The following PLD1 variants were observed in gnomAD, a reference collection of about 807,000 sequenced individuals.
PLD1 encodes the protein choline phosphatase 1.
Under a neutral mutation model 137.1 loss-of-function variants are expected in PLD1, and 112 were observed. That is an observed-to-expected ratio of 0.82 (90% CI 0.70 to 0.96). PLD1 has a LOEUF of 0.96. PLD1 is among the 40% of genes least tolerant of loss of function. The probability of loss-of-function intolerance (pLI) is 0.00; values close to 1 mark genes in which losing one functional copy is unlikely to be tolerated. For synonymous variants in PLD1, 431 were observed against 454.7 expected, an observed-to-expected ratio of 0.95 and a Z score of 0.66; for missense variants, 1,321 against 1,342.0, an observed-to-expected ratio of 0.98 and a Z score of 0.24.
At chr3:171,766,236 G>A (rs987948890) in intron 1 of PLD1, among the ~76,000 whole-genome samples, 12 of 152,078 alleles carry the variant, frequency 7.9e-5, no homozygotes, top group African/African-American at 2.7e-4. Context: ...AGTAATGTTA[G>A]TCTACTATTT....
chr3:171,773,928 T>C (rs1234706374), intron 1 of PLD1, among the ~76,000 whole-genome samples: 1 of 151,972 alleles, frequency 6.6e-6, no homozygotes, highest in Non-Finnish European at 1.5e-5. Context: ...TTTTGTACTT[T>C]TAGTAGAGAC....
At chr3:171,658,774 T>A (rs1164979423) in intron 21 of PLD1, among the ~76,000 whole-genome samples, 1 of 152,170 alleles carries the variant, frequency 6.6e-6, no homozygotes, top group Non-Finnish European at 1.5e-5. Flanking sequence ...ATAGTTTAAG[T>A]GGCTGGATTA....
At chr3:171,608,476 A>T (rs562952346) in intron 25 of PLD1, among the ~76,000 whole-genome samples, 213 of 152,364 alleles carry the variant, frequency 1.4e-3, no homozygotes, top group African/African-American at 5.0e-3. Context: ...ATTATTTTGA[A>T]AAAGAATACT....
rs538976194 is a variant in PLD1, at chr3:171,688,095, C to CT, written c.1540-512dup. Among the ~76,000 whole-genome samples, 251 of 151,694 alleles carry CT rather than the reference C, an allele frequency of 1.7e-3. 2 individuals carry two copies. The highest frequency in any genetic ancestry group is 3.4e-3 in the Middle Eastern group (1 of 294). Reference sequence around the variant, plus strand: ...GAAATAGCAAGCAGATTGATATACACTTTTTTTAATAAGTGTATTCATATT... The same window carrying CT: ...GAAATAGCAAGCAGATTGATATACACTTTTTTTTAATAAGTGTATTCATATT... On this transcript the variant is annotated intron_variant, in intron 14 of 26. Coordinates refer to ENST00000351298, the MANE Select transcript of PLD1 (RefSeq NM_002662.5).
chr3:171,764,942 GAAAGAAAGAAAGAAAGAAA>G (rs1230240338), intron 1 of PLD1, among the ~76,000 whole-genome samples: 620 of 15,348 alleles, frequency 0.04, 113 homozygotes, highest in Non-Finnish European at 0.047. Flanking sequence ...AGGAAAGAAA[GAAAGAAAGAAAGAAAGAAA>G]GAAAGAAAGA....
chr3:171,603,257 G>A lies in PLD1; in HGVS notation c.3046C>T (p.Leu1016=), dbSNP rs759788766. The change falls in exon 27 of 27, where the codon CTG becomes TTG. Residue 1016 remains leucine (L), a synonymous_variant. Coordinates refer to ENST00000351298, the MANE Select transcript of PLD1 (RefSeq NM_002662.5). ...ACGGGCTTGTTTATAAAGTCTCTCAGCTGAATTAAATTGTGTACTTCATCA... is the reference window on the plus strand; with the variant it reads ...ACGGGCTTGTTTATAAAGTCTCTCAACTGAATTAAATTGTGTACTTCATCA... ...PNDEVHNLIQ[L]RDFINKPVLA... 3.7e-5 allele frequency: 59 copies of A among 1,613,904 alleles called. No individual in the cohort carries two copies. Among genetic ancestry groups the A allele is most frequent in the Non-Finnish European group, 4.6e-5 (54 of 1,179,964 alleles).
intron 19 of PLD1, among the ~76,000 whole-genome samples, chr3:171,664,229 C>T (rs1711851689): frequency 6.6e-6 from 1 of 152,128 alleles, no homozygotes; most frequent in Non-Finnish European, 1.5e-5. Context: ...TACATCATCT[C>T]CAAGGAGCTG....
intron 12 of PLD1, among the ~76,000 whole-genome samples, chr3:171,693,078 A>G (rs1456149638): frequency 6.6e-6 from 1 of 152,242 alleles, no homozygotes; most frequent in African/African-American, 2.4e-5. Context: ...CTTGGATCTA[A>G]AAGAAAATAG....
intron 1 of PLD1, among the ~76,000 whole-genome samples, chr3:171,771,874 C>T (rs563316606): frequency 1.4e-4 from 21 of 152,318 alleles, no homozygotes; most frequent in African/African-American, 5.1e-4. Flanking sequence ...GTCAAAGAAC[C>T]TTCTAACTTC....
chr3:171,749,515 C>T (rs545393744), intron 1 of PLD1, among the ~76,000 whole-genome samples: 1 of 152,334 alleles, frequency 6.6e-6, no homozygotes, highest in South Asian at 2.1e-4. Context: ...GTCTAGCTTT[C>T]AGTAATTGAG....
rs368280106 is a variant in PLD1, at chr3:171,709,623, T to C, written c.998A>G (p.Asn333Ser). ...CCCAAATCGATGATCTTTGAGAAAGTTGGTGCCATGTTTCTGGATGAATTC... is the reference window on the plus strand; with the variant it reads ...CCCAAATCGATGATCTTTGAGAAAGCTGGTGCCATGTTTCTGGATGAATTC... ...IEEFIQKHGT[N>S]FLKDHRFGSY... Residue 333 changes from asparagine (N) to serine (S), a missense_variant, in exon 10 of 27, where the codon AAC becomes AGC. Transcript: ENST00000351298. 2.2e-5 allele frequency: 36 copies of C among 1,613,800 alleles called. No homozygotes were observed. The Middle Eastern group carries it at 4.9e-4, about 22-fold the overall frequency.
chr3:171,603,166 T>G lies in PLD1; in HGVS notation c.3137A>C (p.Gln1046Pro), dbSNP rs1731947070. The change falls in exon 27 of 27, where the codon CAA becomes CCA. Residue 1046 changes from glutamine to proline, a missense_variant. Physicochemically the swap from Gln to Pro is moderately conservative, Grantham distance 76 (BLOSUM62 -1). Transcript: ENST00000351298. ...ELKKIRGFLV[Q>P]FPFYFLSEES... is the part of the protein sequence containing the mutation. ...TTCAGACAAGAAATAAAAGGGGAAT[T>G]GCACCAAAAATCCACGGATCTTCTT... is the stretch of plus-strand genomic sequence containing the variant. The G allele has an allele frequency of 6.2e-7, 1 of 1,614,120 alleles. No individual in the cohort carries two copies. Among genetic ancestry groups the G allele is most frequent in the East Asian group, 2.2e-5 (1 of 44,886 alleles).
At chr3:171,698,637 G>A (rs1230729214) in intron 12 of PLD1, among the ~76,000 whole-genome samples, 4 of 151,972 alleles carry the variant, frequency 2.6e-5, no homozygotes, top group African/African-American at 7.3e-5. Flanking sequence ...GGCTCCACAC[G>A]TTCTGCTAGC....
intron 8 of PLD1, among the ~76,000 whole-genome samples, chr3:171,723,938 T>C (rs759615879): frequency 6.6e-6 from 1 of 152,240 alleles, no homozygotes. Flanking sequence ...TTTCCTTTGC[T>C]GTGCAGAAGC....
chr3:171,633,109 T>C (rs1015239364), intron 23 of PLD1, among the ~76,000 whole-genome samples: 1 of 152,180 alleles, frequency 6.6e-6, no homozygotes, highest in Non-Finnish European at 1.5e-5. Flanking sequence ...TCAAATGCTA[T>C]GGGGACACCC....
intron 1 of PLD1, among the ~76,000 whole-genome samples, chr3:171,756,557 G>A (rs1190763044): frequency 6.6e-6 from 1 of 152,204 alleles, no homozygotes; most frequent in Non-Finnish European, 1.5e-5. Context: ...TCGGGGGGAA[G>A]AAAGGATGGA....
At chr3:171,784,852 A>C (rs888656446) in intron 1 of PLD1, among the ~76,000 whole-genome samples, 1 of 152,234 alleles carries the variant, frequency 6.6e-6, no homozygotes, top group African/African-American at 2.4e-5. Flanking sequence ...CTTAGAGAGA[A>C]TCATCTAATA....
At chr3:171,744,103 A>G (rs1408108667) in intron 1 of PLD1, among the ~76,000 whole-genome samples, 1 of 152,226 alleles carries the variant, frequency 6.6e-6, no homozygotes, top group East Asian at 1.9e-4. Flanking sequence ...GCAAACTGCT[A>G]GTGAAGCTTC....
chr3:171,624,343 G>A (rs745826019), intron 23 of PLD1, among the ~76,000 whole-genome samples: 6 of 152,020 alleles, frequency 3.9e-5, no homozygotes, highest in Non-Finnish European at 8.8e-5. Context: ...CTATAAGATT[G>A]GCAAAAAATA....
Sources: allele counts gnomAD v4.1 joint callset (sites outside exome capture counted in the v4.1 genomes callset), GRCh38; gene constraint gnomAD v4.1.1; transcripts MANE v1.5; gene names NCBI Gene and HGNC (gene_info 2026-07-23, HGNC 2026-07-21).